The following C10orf53 variants were observed in gnomAD, a reference collection of about 807,000 sequenced individuals.
C10orf53 encodes chromosome 10 open reading frame 53, also known as UPF0728 protein C10orf53.
Under a neutral mutation model 9.4 loss-of-function variants are expected in C10orf53, and 8 were observed. The ratio of observed to expected loss-of-function variants is 0.85; its 90% CI spans 0.50 to 1.53. The LOEUF is 1.53. C10orf53 is among the 40% of genes most tolerant of loss of function. The pLI is 0.00. For missense variants in C10orf53, 117 were observed against 117.8 expected (o/e 0.99, Z 0.03); for synonymous variants, 48 against 46.0 (o/e 1.04, Z -0.18).
chr10:49,688,027 A>G (rs1840544836), intron 1 of C10orf53, among the ~76,000 whole-genome samples: 1 of 152,240 alleles, frequency 6.6e-6, no homozygotes, highest in Non-Finnish European at 1.5e-5. Flanking sequence ...GATTTGAGTC[A>G]GGAGTAGCTA....
intron 2 of C10orf53, among the ~76,000 whole-genome samples, chr10:49,706,166 C>A (rs1840720914): frequency 1.3e-5 from 2 of 152,168 alleles, no homozygotes; most frequent in South Asian, 2.1e-4. Context: ...GTCAGATGGG[C>A]AGCCACTTTG....
intron 2 of C10orf53, among the ~76,000 whole-genome samples, chr10:49,703,609 G>A: frequency 6.6e-6 from 1 of 152,174 alleles, no homozygotes; most frequent in East Asian, 1.9e-4. Context: ...TGCAGTGAAG[G>A]GAACTTGGTC....
rs546494543 is a variant in C10orf53 at position 49,694,261 on chromosome 10, A to G, written c.218-277A>G. ...TTTTCCACTTGTTTATTCTATCTAGACTTGCTAAGACACTGAGTTGATATG... is the reference window on the plus strand; with the variant it reads ...TTTTCCACTTGTTTATTCTATCTAGGCTTGCTAAGACACTGAGTTGATATG... On this transcript the variant is annotated intron_variant, in intron 2 of 2. Transcript: ENST00000374111. 1,838 of 586,866 alleles carry G rather than the reference A, an allele frequency of 3.1e-3. 7 individuals are homozygous for G. The highest frequency in any genetic ancestry group is 4.6e-3 in the Admixed American group (144 of 31,208). The allele number at this position is 586,866 out of a possible 1,614,324, so 36.4% of individuals were successfully genotyped here.
chr10:49,694,611 T>C lies in C10orf53; in HGVS notation c.*9T>C. On this transcript the variant is annotated 3_prime_UTR_variant, in exon 3 of 3. Coordinates refer to ENST00000374111, the MANE Select transcript of C10orf53 (RefSeq NM_001042427.3). ...TGCTGAATGCCTACTGATCTCCTCA[T>C]GGAACAGGCATCTCAAGTCGGCACA... 6 of 1,614,218 alleles carry C rather than the reference T, an allele frequency of 3.7e-6. No individual in the cohort carries two copies. The highest frequency in any genetic ancestry group is 5.1e-6 in the Non-Finnish European group (6 of 1,180,034).
intron 2 of C10orf53, among the ~76,000 whole-genome samples, chr10:49,707,156 A>T (rs1840728189): frequency 6.6e-6 from 1 of 152,082 alleles, no homozygotes; most frequent in African/African-American, 2.4e-5. Context: ...CTCAGATGTA[A>T]CTCCTGTCTG....
intron 1 of C10orf53, among the ~76,000 whole-genome samples, chr10:49,689,728 C>T (rs1325617659): frequency 6.6e-6 from 1 of 152,092 alleles, no homozygotes; most frequent in Non-Finnish European, 1.5e-5. Context: ...GCACATGATG[C>T]ACTGCGAAGG....
intron 1 of C10orf53, among the ~76,000 whole-genome samples, chr10:49,681,473 C>G (rs374479322): frequency 7.7e-4 from 118 of 152,344 alleles, no homozygotes; most frequent in African/African-American, 2.7e-3. Context: ...GGATTTCAAT[C>G]AGCAGAGGAA....
At chr10:49,701,839 T>C (rs1840685675), downstream of C10orf53, among the ~76,000 whole-genome samples, 1 of 152,184 alleles carries the variant, frequency 6.6e-6, no homozygotes. Context: ...TGACGATCTC[T>C]TCTCTTTACC....
intron 2 of C10orf53, among the ~76,000 whole-genome samples, chr10:49,705,459 A>C (rs1249994193): frequency 1.3e-5 from 2 of 152,220 alleles, no homozygotes; most frequent in Admixed American, 6.5e-5. Context: ...CATGGAAGAT[A>C]CAAGAAACAG....
At chr10:49,702,182 G>A (rs1043852022), downstream of C10orf53, among the ~76,000 whole-genome samples, 9 of 139,996 alleles carry the variant, frequency 6.4e-5, no homozygotes, top group South Asian at 2.5e-4. Context: ...GGGCAACAGC[G>A]TGAGACTCTG....
chr10:49,706,437 G>A (rs1463320425), intron 2 of C10orf53, among the ~76,000 whole-genome samples: 2 of 152,130 alleles, frequency 1.3e-5, no homozygotes, highest in Non-Finnish European at 2.9e-5. Context: ...TGCTACAACA[G>A]GCATGAACCT....
downstream of C10orf53, among the ~76,000 whole-genome samples, chr10:49,699,595 C>T (rs1418379014): frequency 2.6e-5 from 4 of 152,044 alleles, no homozygotes; most frequent in African/African-American, 9.7e-5. Flanking sequence ...GATCAAGGAG[C>T]ATGGGATGCT....
Position 49,694,973 on chromosome 10 carries a change from A to C in C10orf53, c.*371A>C, listed in dbSNP as rs143246551. 1.0e-3 allele frequency: 1,055 copies of C among 1,018,076 alleles called. 13 individuals carry two copies. In the African/African-American group the frequency reaches 0.017, roughly 16 times the overall value. 63.1% of individuals were successfully genotyped at this position (1,018,076 alleles called of 1,614,324 possible). A position where few individuals can be genotyped will look rare whatever the true frequency, so the allele number is the denominator to read the frequency against. On this transcript the variant is annotated 3_prime_UTR_variant, in exon 3 of 3. Transcript: ENST00000374111. ...TGAGATTCCATTGTTTAGTACTCAAAGTGCTCAGAACAGGTGAAATTAAAG... is the reference window on the plus strand; with the variant it reads ...TGAGATTCCATTGTTTAGTACTCAACGTGCTCAGAACAGGTGAAATTAAAG...
chr10:49,700,845 G>A (rs1385272919), downstream of C10orf53, among the ~76,000 whole-genome samples: 1 of 152,100 alleles, frequency 6.6e-6, no homozygotes, highest in Non-Finnish European at 1.5e-5. Flanking sequence ...GAAACCACTG[G>A]GCATGCAGCC....
At chr10:49,705,107 T>C (rs1352101518) in intron 2 of C10orf53, among the ~76,000 whole-genome samples, 1 of 152,234 alleles carries the variant, frequency 6.6e-6, no homozygotes, top group Non-Finnish European at 1.5e-5. Context: ...AGAGAGACTT[T>C]TGGAGTACTG....
chr10:49,694,094 A>G, intron 2 of C10orf53: 1 of 680,396 alleles, frequency 1.5e-6, no homozygotes. Context: ...GTGTGATGCT[A>G]CGAGTTTCCC....
intron 1 of C10orf53, among the ~76,000 whole-genome samples, chr10:49,685,256 G>A (rs545758707): frequency 6.6e-6 from 1 of 152,046 alleles, no homozygotes; most frequent in Non-Finnish European, 1.5e-5. Flanking sequence ...ACCCCATTCT[G>A]TTTTTCACTT....
At chr10:49,680,014 G>C (rs1840464620) in intron 1 of C10orf53, among the ~76,000 whole-genome samples, 1 of 152,244 alleles carries the variant, frequency 6.6e-6, no homozygotes, top group Non-Finnish European at 1.5e-5. Context: ...CCAGTGCCCA[G>C]CAAATTACAG....
intron 1 of C10orf53, among the ~76,000 whole-genome samples, chr10:49,684,168 G>A (rs1280037584): frequency 1.3e-5 from 2 of 152,174 alleles, no homozygotes; most frequent in Admixed American, 1.3e-4. Flanking sequence ...ATTCACATCA[G>A]TCACTGTGAA....
Sources: gnomAD v4.1 joint callset for allele counts (sites outside exome capture counted in the v4.1 genomes callset) on GRCh38, gnomAD v4.1.1 for gene constraint, MANE v1.5 for transcripts, NCBI Gene and HGNC (gene_info 2026-07-23, HGNC 2026-07-21) for gene names.